The following KCNIP4 variants were observed in gnomAD, a reference collection of about 807,000 sequenced individuals.
The protein encoded by KCNIP4 is Kv channel-interacting protein 4.
A neutral mutation model predicts 34.0 loss-of-function variants in KCNIP4; 12 were observed. The ratio of observed to expected loss-of-function variants is 0.35; its 90% CI spans 0.23 to 0.57. The LOEUF (loss-of-function observed/expected upper bound fraction) is 0.57. KCNIP4 is among the 20% of genes least tolerant of loss of function. The probability of loss-of-function intolerance (pLI) is 0.83; values close to 1 mark genes in which losing one functional copy is unlikely to be tolerated. For missense variants in KCNIP4, 238 were observed against 311.7 expected (o/e 0.76, Z 1.78); for synonymous variants, 124 against 102.2 (o/e 1.21, Z -1.29).
At chr4:21,809,029 G>T (rs566936328) in intron 1 of KCNIP4, among the ~76,000 whole-genome samples, 2 of 152,310 alleles carry the variant, frequency 1.3e-5, no homozygotes, top group East Asian at 3.9e-4. Context: ...AAAGCATTTT[G>T]TGATGGTTAA....
At chr4:21,470,808 C>T (rs1348115382) in intron 1 of KCNIP4, among the ~76,000 whole-genome samples, 1 of 141,904 alleles carries the variant, frequency 7.0e-6, no homozygotes, top group Non-Finnish European at 1.5e-5. Flanking sequence ...CAAGGGCCAG[C>T]TGTTGATAAT....
At chr4:21,837,302 G>A (rs924501437) in intron 1 of KCNIP4, among the ~76,000 whole-genome samples, 3 of 150,544 alleles carry the variant, frequency 2.0e-5, no homozygotes, top group African/African-American at 7.3e-5. Context: ...GGGGGGCCAA[G>A]GTGGGTGGAT....
chr4:21,064,023 A>G (rs1744142732), intron 1 of KCNIP4, among the ~76,000 whole-genome samples: 1 of 152,148 alleles, frequency 6.6e-6, no homozygotes, highest in African/African-American at 2.4e-5. Context: ...TTGAAAGGAA[A>G]CTTGAAAATA....
At chr4:21,039,321 G>T (rs985756634) in intron 1 of KCNIP4, among the ~76,000 whole-genome samples, 3 of 150,738 alleles carry the variant, frequency 2.0e-5, no homozygotes, top group African/African-American at 7.3e-5. Context: ...AGTGAGCTGA[G>T]ATCATGCCAC....
In KCNIP4 at chr4:21,860,474, T is replaced by G. The variant is rs116214047; in HGVS notation, c.61+88097A>C. On this transcript the variant is annotated intron_variant, in intron 1 of 8. Coordinates refer to ENST00000382152, the MANE Select transcript of KCNIP4 (RefSeq NM_025221.6). The stretch of plus-strand genomic sequence containing the variant: ...TTAGAAGAGTTTAAAATGTTTCATA[T>G]TTGAGATGACTATAATTTTAAATGT... Among the ~76,000 whole-genome samples the G allele has an allele frequency of 7.9e-3, 1,201 of 152,212 alleles. 16 individuals are homozygous for G. The highest frequency in any genetic ancestry group is 0.027 in the African/African-American group (1,136 of 41,504).
At chr4:21,676,089 T>C (rs1347614424) in intron 1 of KCNIP4, among the ~76,000 whole-genome samples, 2 of 152,180 alleles carry the variant, frequency 1.3e-5, no homozygotes, top group Non-Finnish European at 2.9e-5. Context: ...GTCTCAGGTT[T>C]CTCTGAAAAA....
intron 1 of KCNIP4, among the ~76,000 whole-genome samples, chr4:21,580,254 G>A (rs1429365280): frequency 6.6e-6 from 1 of 151,980 alleles, no homozygotes. Context: ...TATCTCCTTT[G>A]ATACTAATAC....
At chr4:20,957,841 T>C (rs1577434507) in intron 1 of KCNIP4, among the ~76,000 whole-genome samples, 1 of 152,244 alleles carries the variant, frequency 6.6e-6, no homozygotes, top group Non-Finnish European at 1.5e-5. Context: ...AATAATGGTA[T>C]AATTTGCATA....
At position 21,942,724 on chromosome 4, in the gene KCNIP4, T is replaced by C. The variant is rs567042478; in HGVS notation, c.61+5847A>G. On this transcript the variant is annotated intron_variant, in intron 1 of 8. Coordinates refer to ENST00000382152, the MANE Select transcript of KCNIP4 (RefSeq NM_025221.6). ...GGACAACGTGATTTAATTCAATCAA[T>C]ATGTTTAAATATCTACTAGTTTTTT... Among the ~76,000 whole-genome samples the C allele has an allele frequency of 2.6e-5, 4 of 152,336 alleles. No individual in the cohort carries two copies. The South Asian group carries it at 6.2e-4, about 24-fold the overall frequency.
intron 1 of KCNIP4, among the ~76,000 whole-genome samples, chr4:21,318,619 G>GA (rs957060893): frequency 6.6e-6 from 1 of 152,056 alleles, no homozygotes; most frequent in Non-Finnish European, 1.5e-5. Context: ...TAGTGGAAGC[G>GA]AAAACGACAC....
rs148230445 is a variant in KCNIP4, at chr4:21,669,815, C to T, written c.61+278756G>A. On this transcript the variant is annotated intron_variant, in intron 1 of 8. Transcript: ENST00000382152. ...ACGAGCTTTTCATGAACATAAACAC[C>T]AAGGCTGAAAGCATTTGGGGTGAAA... Among the ~76,000 whole-genome samples the T allele has an allele frequency of 3.8e-3, 586 of 152,218 alleles. 2 individuals carry two copies. The highest frequency in any genetic ancestry group is 0.013 in the African/African-American group (558 of 41,536).
intron 1 of KCNIP4, among the ~76,000 whole-genome samples, chr4:21,615,175 A>AC (rs1156367402): frequency 2.6e-5 from 4 of 152,160 alleles, no homozygotes; most frequent in African/African-American, 9.7e-5. Context: ...GTGATAGAAT[A>AC]AAAATAAATC....
intron 1 of KCNIP4, among the ~76,000 whole-genome samples, chr4:21,944,126 C>T (rs1184440402): frequency 6.6e-6 from 1 of 151,680 alleles, no homozygotes; most frequent in African/African-American, 2.4e-5. Context: ...AGAGATAACT[C>T]CCCATCAAAA....
chr4:21,519,695 CGT>C lies in KCNIP4; in HGVS notation c.61+428874_61+428875del, dbSNP rs1306710998. Among the ~76,000 whole-genome samples the C allele has an allele frequency of 1.3e-4, 18 of 133,650 alleles. 1 individual carries two copies. In the East Asian group the frequency reaches 2.5e-3, roughly 18 times the overall value. The allele number at this position is 133,650 out of a possible 152,430, so 87.7% of individuals were successfully genotyped here. ...GTGTGTATGTATGTGTATATACACACGTGTGTGTATGTATGTGTATATATACA... is the reference window on the plus strand; with the variant it reads ...GTGTGTATGTATGTGTATATACACACGTGTGTATGTATGTGTATATATACA... On this transcript the variant is annotated intron_variant, in intron 1 of 8. Coordinates refer to ENST00000382152, the MANE Select transcript of KCNIP4 (RefSeq NM_025221.6).
chr4:21,703,055 A>T (rs1178775310), intron 1 of KCNIP4, among the ~76,000 whole-genome samples: 1 of 152,054 alleles, frequency 6.6e-6, no homozygotes, highest in African/African-American at 2.4e-5. Flanking sequence ...TTCAACACTG[A>T]TTCATGATTA....
At chr4:20,776,558 G>T (rs1026914162) in intron 3 of KCNIP4, among the ~76,000 whole-genome samples, 2 of 152,134 alleles carry the variant, frequency 1.3e-5, no homozygotes, top group African/African-American at 2.4e-5. Context: ...TTTTCTGAAA[G>T]AATTAGAATG....
At chr4:21,857,127 CAG>C (rs1179442745) in intron 1 of KCNIP4, among the ~76,000 whole-genome samples, 2 of 152,224 alleles carry the variant, frequency 1.3e-5, no homozygotes, top group Admixed American at 6.5e-5. Context: ...ACCAGTTCTG[CAG>C]AGTGGGAACT....
At chr4:21,690,070 A>G (rs549742294) in intron 1 of KCNIP4, among the ~76,000 whole-genome samples, 55 of 149,212 alleles carry the variant, frequency 3.7e-4, no homozygotes, top group Admixed American at 1.3e-3. Flanking sequence ...TGGTAAAACT[A>G]GTTTATATTG....
chr4:20,945,299 G>A (rs545338178), intron 1 of KCNIP4, among the ~76,000 whole-genome samples: 1 of 152,248 alleles, frequency 6.6e-6, no homozygotes, highest in African/African-American at 2.4e-5. Context: ...ATTTTCCAGA[G>A]AGGGACACTG....
Sources: gnomAD v4.1 joint callset for allele counts (sites outside exome capture counted in the v4.1 genomes callset) on GRCh38, gnomAD v4.1.1 for gene constraint, MANE v1.5 for transcripts, NCBI Gene and HGNC (gene_info 2026-07-23, HGNC 2026-07-21) for gene names.